PRLR: variants seen among roughly 807,000 people sequenced by gnomAD.
PRLR encodes prolactin receptor.
In PRLR, 13 loss-of-function variants were observed where a neutral mutation model predicts 40.2. The observed-to-expected ratio is 0.32, with a 90% CI of 0.21 to 0.51. PRLR has a LOEUF of 0.51. Among genes scored for constraint, PRLR ranks in the 20% least tolerant of loss-of-function variants. PRLR has a pLI of 0.97. For missense variants in PRLR, 656 were observed against 747.3 expected, an observed-to-expected ratio of 0.88 and a Z score of 1.42; for synonymous variants, 269 against 278.7, an observed-to-expected ratio of 0.97 and a Z score of 0.35.
chr5:35,073,092 A>G (rs1260486338), intron 5 of PRLR, among the ~76,000 whole-genome samples: 3 of 152,216 alleles, frequency 2.0e-5, no homozygotes, highest in Admixed American at 6.5e-5. Flanking sequence ...GGGAGTTGGC[A>G]TGGAAGACTA....
At chr5:35,153,346 T>C (rs981194783) in intron 1 of PRLR, among the ~76,000 whole-genome samples, 5 of 152,198 alleles carry the variant, frequency 3.3e-5, no homozygotes, top group Admixed American at 1.3e-4. Flanking sequence ...CTTCTCATGT[T>C]GCCCCCCAGG....
At chr5:35,151,738 C>T (rs779616758) in intron 1 of PRLR, among the ~76,000 whole-genome samples, 1 of 152,202 alleles carries the variant, frequency 6.6e-6, no homozygotes, top group Non-Finnish European at 1.5e-5. Flanking sequence ...TGAGTCATCC[C>T]AGCCAGGCAC....
chr5:35,055,163 C>T (rs1768650857), downstream of PRLR, among the ~76,000 whole-genome samples: 1 of 152,070 alleles, frequency 6.6e-6, no homozygotes, highest in East Asian at 1.9e-4. Flanking sequence ...TGAATAATTC[C>T]AGTCAGGAAA....
intron 1 of PRLR, among the ~76,000 whole-genome samples, chr5:35,198,326 A>G (rs1330918986): frequency 6.6e-6 from 1 of 152,206 alleles, no homozygotes; most frequent in African/African-American, 2.4e-5. Flanking sequence ...AAGTAAACAA[A>G]TGGAGCACTT....
intron 1 of PRLR, among the ~76,000 whole-genome samples, chr5:35,191,093 C>T (rs1438754113): frequency 1.0e-5 from 1 of 99,594 alleles, no homozygotes; most frequent in Non-Finnish European, 2.0e-5. Flanking sequence ...TTTTTTGAGA[C>T]GGAGTCTCGC....
intron 1 of PRLR, among the ~76,000 whole-genome samples, chr5:35,183,787 T>C (rs1158126637): frequency 6.6e-6 from 1 of 152,204 alleles, no homozygotes; most frequent in Non-Finnish European, 1.5e-5. Flanking sequence ...AGCCCACAAC[T>C]GAGTGGAGTG....
At chr5:35,120,575 A>G (rs1211668742) in intron 1 of PRLR, among the ~76,000 whole-genome samples, 2 of 152,218 alleles carry the variant, frequency 1.3e-5, no homozygotes. Context: ...ACATAATTTA[A>G]TAGAAGCTCC....
At chr5:35,100,041 G>A (rs1374139319) in intron 2 of PRLR, among the ~76,000 whole-genome samples, 1 of 151,974 alleles carries the variant, frequency 6.6e-6, no homozygotes, top group Non-Finnish European at 1.5e-5. Context: ...AGCTGGGCCT[G>A]GTGGCTGGCA....
At chr5:35,079,719 C>A (rs557298033) in intron 5 of PRLR, among the ~76,000 whole-genome samples, 2 of 152,232 alleles carry the variant, frequency 1.3e-5, no homozygotes, top group East Asian at 3.9e-4. Flanking sequence ...AAAAAGAGCC[C>A]GTATTGCCAA....
chr5:35,058,078 G>A lies in PRLR; in HGVS notation c.*7011C>T, dbSNP rs369106628. On this transcript the variant is annotated 3_prime_UTR_variant, in exon 10 of 10. Transcript: ENST00000618457. ...GCCGGTTTTTATAAAATATAAACAT[G>A]TAAGAATGGTTATTCAGAAACTCTT... 1 of 151,880 alleles carries A rather than the reference G, an allele frequency of 6.6e-6. No homozygotes were observed. The highest frequency in any genetic ancestry group is 2.4e-5 in the African/African-American group (1 of 41,358). The allele number at this position is 151,880 out of a possible 1,614,324, so 9.4% of individuals were successfully genotyped here. A position where few individuals can be genotyped will look rare whatever the true frequency, so the allele number is the denominator to read the frequency against.
chr5:35,188,349 G>A (rs1276547761), intron 1 of PRLR, among the ~76,000 whole-genome samples: 2 of 152,040 alleles, frequency 1.3e-5, no homozygotes, highest in African/African-American at 4.8e-5. Flanking sequence ...TTTTACACTC[G>A]TCAGCTGCTC....
intron 1 of PRLR, among the ~76,000 whole-genome samples, chr5:35,229,586 G>A (rs1051161986): frequency 6.6e-6 from 1 of 151,978 alleles, no homozygotes; most frequent in Non-Finnish European, 1.5e-5. Context: ...TCTCCAGCGG[G>A]CTCTCCTTCC....
At chr5:35,101,403 T>C (rs546877912) in intron 2 of PRLR, among the ~76,000 whole-genome samples, 2 of 152,170 alleles carry the variant, frequency 1.3e-5, no homozygotes, top group Non-Finnish European at 2.9e-5. Context: ...TTTGTGTGCA[T>C]TAATTTGAAC....
At chr5:35,127,131 A>G (rs1244644274) in intron 1 of PRLR, among the ~76,000 whole-genome samples, 1 of 152,180 alleles carries the variant, frequency 6.6e-6, no homozygotes, top group East Asian at 1.9e-4. Context: ...TACTTAAGCC[A>G]GAAGCTGTGA....
chr5:35,174,356 C>T (rs1775086291), intron 1 of PRLR, among the ~76,000 whole-genome samples: 1 of 152,214 alleles, frequency 6.6e-6, no homozygotes, highest in South Asian at 2.1e-4. Context: ...TCCCAAAGTG[C>T]TAGGATTACA....
intron 1 of PRLR, among the ~76,000 whole-genome samples, chr5:35,125,890 T>A (rs1773443961): frequency 6.6e-6 from 1 of 152,234 alleles, no homozygotes; most frequent in Non-Finnish European, 1.5e-5. Context: ...GGGGAACATC[T>A]AAATGCCATT....
chr5:35,216,746 T>C (rs1166686786), intron 1 of PRLR, among the ~76,000 whole-genome samples: 1 of 152,258 alleles, frequency 6.6e-6, no homozygotes. Context: ...TGAGAAGGAC[T>C]TGGTTTTTAA....
Position 35,049,473 on chromosome 5 carries a change from C to G in PRLR, c.1010-65G>C. The G allele has an allele frequency of 4.5e-6, 3 of 666,380 alleles. No homozygotes were observed. In the East Asian group the frequency reaches 8.1e-5, roughly 18 times the overall value. 41.3% of individuals were successfully genotyped at this position (666,380 alleles called of 1,614,324 possible). A position where few individuals can be genotyped will look rare whatever the true frequency, so the allele number is the denominator to read the frequency against. ...CTAGAGGGAAAGTGGGAGGTTATACCTCTTTTATTTAAAAAGAAAATAAAT... is the reference window on the plus strand; with the variant it reads ...CTAGAGGGAAAGTGGGAGGTTATACGTCTTTTATTTAAAAAGAAAATAAAT... On this transcript the variant is annotated intron_variant, in intron 8 of 8. Coordinates refer to the PRLR transcript ENST00000231423.
chr5:35,229,842 C>T lies in PRLR; in HGVS notation c.-106+426G>A, dbSNP rs368778409. 6.2e-4 allele frequency among the ~76,000 whole-genome samples: 95 copies of T among 152,210 alleles called. No individual in the cohort carries two copies. In the South Asian group the frequency reaches 0.012, roughly 20 times the overall value. On this transcript the variant is annotated intron_variant, in intron 1 of 9. Transcript: ENST00000618457. ...ACATCACCTGTCTGCGCCCCTTCCC[C>T]CTCCCCGCTCTTTTTTTCTTTTCTT...
Sources: gnomAD v4.1 joint callset for allele counts (sites outside exome capture counted in the v4.1 genomes callset) on GRCh38, gnomAD v4.1.1 for gene constraint, MANE v1.5 for transcripts, NCBI Gene and HGNC (gene_info 2026-07-23, HGNC 2026-07-21) for gene names.